The following GALK2 variants were observed in gnomAD, a reference collection of about 807,000 sequenced individuals.
GALK2 encodes the protein galactokinase 2.
In GALK2, 36 loss-of-function variants were observed where a neutral mutation model predicts 52.4. The ratio of observed to expected loss-of-function variants is 0.69; its 90% confidence interval spans 0.53 to 0.91. The LOEUF (loss-of-function observed/expected upper bound fraction) is 0.91. Ranked by LOEUF, GALK2 falls within the 40% of genes least tolerant of loss-of-function variation. The pLI is 0.00. For synonymous variants in GALK2, 176 were observed against 199.1 expected (o/e 0.88, Z 0.98); for missense variants, 579 against 559.1 (o/e 1.04, Z -0.36).
chr15:49,159,939 A>G (rs911877305), intron 1 of GALK2, among the ~76,000 whole-genome samples: 2 of 152,182 alleles, frequency 1.3e-5, no homozygotes, highest in Non-Finnish European at 2.9e-5. Context: ...CCTAAAAATA[A>G]GAACATTCTC....
chr15:49,220,668 A>C (rs955880827), intron 3 of GALK2, among the ~76,000 whole-genome samples: 1 of 152,186 alleles, frequency 6.6e-6, no homozygotes, highest in Non-Finnish European at 1.5e-5. Flanking sequence ...ACTGTTTTGT[A>C]TAATGGCTGC....
At chr15:49,192,485 G>GTATATATATATATATATATGTATATATA (rs2086809144) in intron 1 of GALK2, among the ~76,000 whole-genome samples, 1 of 102,976 alleles carries the variant, frequency 9.7e-6, no homozygotes, top group African/African-American at 4.1e-5. Flanking sequence ...ATATATATAT[G>GTATATATATATATATATATGTATATATA]TATATATATA....
chr15:49,167,034 G>A (rs2141159955), upstream of GALK2, among the ~76,000 whole-genome samples: 2 of 152,294 alleles, frequency 1.3e-5, no homozygotes, highest in East Asian at 1.9e-4. Context: ...ATAGGCACTA[G>A]CCAGGTCTGT....
At chr15:49,170,560 C>T in intron 1 of GALK2, 185 bp downstream of exon 1, 1 of 598,250 alleles carries the variant, frequency 1.7e-6, no homozygotes, top group East Asian at 2.8e-5. Context: ...ACACATTCTA[C>T]CTTGACTACT....
intron 5 of GALK2, among the ~76,000 whole-genome samples, chr15:49,271,442 A>G (rs1302202425): frequency 6.6e-6 from 1 of 152,196 alleles, no homozygotes; most frequent in African/African-American, 2.4e-5. Context: ...AGAGATAAGT[A>G]TGCAGGGAAG....
chr15:49,276,904 G>GTTTT (rs34440691), intron 5 of GALK2, among the ~76,000 whole-genome samples: 2 of 77,900 alleles, frequency 2.6e-5, no homozygotes, highest in African/African-American at 5.1e-5. Flanking sequence ...AGAATCTGAG[G>GTTTT]TTTTTTTTTT....
rs1475114729 is a variant in GALK2 at position 49,172,810 on chromosome 15, A to C, written c.53+2435A>C. Among the ~76,000 whole-genome samples, 4 of 152,260 alleles carry C rather than the reference A, an allele frequency of 2.6e-5. No individual in the cohort carries two copies. The South Asian group carries it at 8.3e-4, about 32-fold the overall frequency. ...ATTTCACTGTTCTGGCTTTCTTTGCATTCTTAGCAGTTGTATCTCTTATCT... is the reference window on the plus strand; with the variant it reads ...ATTTCACTGTTCTGGCTTTCTTTGCCTTCTTAGCAGTTGTATCTCTTATCT... On this transcript the variant is annotated intron_variant, in intron 1 of 9. Coordinates refer to ENST00000560031, the MANE Select transcript of GALK2 (RefSeq NM_002044.4).
chr15:49,217,196 A>G lies in GALK2; in HGVS notation c.149A>G (p.His50Arg), dbSNP rs774627733. 2 of 1,609,568 alleles carry G rather than the reference A, an allele frequency of 1.2e-6. No homozygotes were observed. Among genetic ancestry groups the G allele is most frequent in the South Asian group, 1.1e-5 (1 of 90,958 alleles). ...AGCTTTCTCTTTTTTCTAGGAGAGCATATAGATTATTGTGGATATTCTGTT... is the reference window on the plus strand; with the variant it reads ...AGCTTTCTCTTTTTTCTAGGAGAGCGTATAGATTATTGTGGATATTCTGTT... The part of the protein sequence containing the change: ...APGRVNIIGE[H>R]IDYCGYSVLP... Residue 50 changes from histidine to arginine, a missense_variant, in exon 3 of 10, where the codon CAT becomes CGT. By Grantham distance (29) the His-to-Arg change is conservative (BLOSUM62 0). Coordinates refer to ENST00000560031, the MANE Select transcript of GALK2 (RefSeq NM_002044.4).
At position 49,299,735 on chromosome 15, in the gene GALK2, T is replaced by TTTTC. The variant is rs869275324; in HGVS notation, c.967+7255_967+7258dup. Among the ~76,000 whole-genome samples the TTTTC allele has an allele frequency of 9.2e-3, 710 of 77,384 alleles. 9 individuals carry two copies. Among genetic ancestry groups the TTTTC allele is most frequent in the East Asian group, 0.022 (73 of 3,332 alleles). 50.8% of individuals were successfully genotyped at this position (77,384 alleles called of 152,430 possible). A position where few individuals can be genotyped will look rare whatever the true frequency, so the allele number is the denominator to read the frequency against. On this transcript the variant is annotated intron_variant, in intron 8 of 9. Transcript: ENST00000560031. ...CTTTCTTTCTTTCTTTCTTTCTTTC[T>TTTTC]TTTCTTTCTTTCTTTCTTTCTTTCT...
chr15:49,277,678 C>G (rs2032045943), intron 5 of GALK2, among the ~76,000 whole-genome samples: 2 of 149,808 alleles, frequency 1.3e-5, no homozygotes, highest in African/African-American at 4.9e-5. Context: ...CGCCTGTAGT[C>G]CCAGCTACTC....
chr15:49,270,078 T>G (rs2030206639), intron 5 of GALK2, among the ~76,000 whole-genome samples: 2 of 152,182 alleles, frequency 1.3e-5, no homozygotes, highest in Admixed American at 1.3e-4. Flanking sequence ...ACGTAACTAT[T>G]CCTCCCATCT....
Position 49,328,039 on chromosome 15 carries a change from C to T in GALK2, c.1257C>T (p.Ser419=), listed in dbSNP as rs538069623. ...TGGTACCTGCGGACAAGCTGCCCAG[C>T]TTTCTAGCAAATGTGCACAAAGCTT... The part of the protein sequence containing the change: ...VSMVPADKLP[S]FLANVHKAYY... Residue 419 remains serine (S), a synonymous_variant, in exon 10 of 10, where the codon AGC becomes AGT. Transcript: ENST00000560031. 2.3e-5 allele frequency: 37 copies of T among 1,614,058 alleles called. No homozygotes were observed. In the South Asian group the frequency reaches 4.0e-4, roughly 17 times the overall value.
chr15:49,305,873 G>A (rs983405778), intron 8 of GALK2, among the ~76,000 whole-genome samples: 3 of 152,100 alleles, frequency 2.0e-5, no homozygotes, highest in Admixed American at 6.6e-5. Flanking sequence ...ACTGGCTTCC[G>A]GAGAACTACA....
intron 3 of GALK2, among the ~76,000 whole-genome samples, chr15:49,217,788 A>G (rs573928423): frequency 2.6e-5 from 4 of 152,348 alleles, no homozygotes; most frequent in Non-Finnish European, 5.9e-5. Flanking sequence ...GCCCTAGCAT[A>G]TAAAACAGAG....
chr15:49,221,720 A>C (rs1217811429), intron 3 of GALK2, among the ~76,000 whole-genome samples: 1 of 151,940 alleles, frequency 6.6e-6, no homozygotes, highest in African/African-American at 2.4e-5. Flanking sequence ...CTGTACATAC[A>C]TGGATGTATT....
chr15:49,264,417 C>T (rs1028677914), intron 5 of GALK2, among the ~76,000 whole-genome samples: 35 of 152,246 alleles, frequency 2.3e-4, no homozygotes, highest in Non-Finnish European at 2.1e-4. Context: ...GCTTTCAGCT[C>T]CATCAGCTCC....
At chr15:49,223,411 T>C (rs1160260302) in intron 3 of GALK2, among the ~76,000 whole-genome samples, 1 of 152,188 alleles carries the variant, frequency 6.6e-6, no homozygotes, top group African/African-American at 2.4e-5. Context: ...AGGGGTTACA[T>C]GTGCAGGTTT....
At chr15:49,195,603 A>G (rs1388300050) in intron 1 of GALK2, among the ~76,000 whole-genome samples, 1 of 152,030 alleles carries the variant, frequency 6.6e-6, no homozygotes, top group Non-Finnish European at 1.5e-5. Flanking sequence ...TTATTATTCA[A>G]GTTGGTTTTA....
At chr15:49,343,684 G>A (rs1046394785) in intron 3 of GALK2, 3 of 152,162 alleles carry the variant, frequency 2.0e-5, no homozygotes, top group Non-Finnish European at 4.4e-5. Flanking sequence ...GATGTAGGTT[G>A]TATTCAAACA....
Sources: gnomAD v4.1 joint callset for allele counts (sites outside exome capture counted in the v4.1 genomes callset) on GRCh38, gnomAD v4.1.1 for gene constraint, MANE v1.5 for transcripts, NCBI Gene and HGNC (gene_info 2026-07-23, HGNC 2026-07-21) for gene names.